PTPRG: variants seen among roughly 807,000 people sequenced by gnomAD.
PTPRG encodes the protein protein tyrosine phosphatase receptor type G, also known as receptor-type tyrosine-protein phosphatase gamma.
PTPRG carries 102 observed loss-of-function variants against 165.3 expected under a neutral mutation model. The observed-to-expected ratio is 0.62, with a 90% CI of 0.53 to 0.73. The LOEUF is 0.73. Ranked by LOEUF, PTPRG falls within the 30% of genes least tolerant of loss-of-function variation. The probability of loss-of-function intolerance (pLI) is 0.00; values close to 1 mark genes in which losing one functional copy is unlikely to be tolerated. For missense variants in PTPRG, 1,866 were observed against 1,861.4 expected (o/e 1.00, Z -0.05); for synonymous variants, 675 against 669.5 (o/e 1.01, Z -0.13).
intron 2 of PTPRG, among the ~76,000 whole-genome samples, chr3:61,868,363 A>G (rs1338209010): frequency 3.3e-5 from 5 of 152,212 alleles, no homozygotes; most frequent in Admixed American, 2.6e-4. Flanking sequence ...GAGTGCTAGA[A>G]GAAAGGCATC....
At position 61,935,689 on chromosome 3, in the gene PTPRG, A is replaced by C. The variant is rs911217919; in HGVS notation, c.191-53936A>C. ...CGTATTCTTATTCTCGGAGTCCCTT[A>C]CCTTTTTTTTTTTTTAATGTTGTAA... is the stretch of plus-strand genomic sequence containing the variant. On this transcript the variant is annotated intron_variant, in intron 2 of 29. Transcript: ENST00000474889. 8.5e-4 allele frequency among the ~76,000 whole-genome samples: 112 copies of C among 131,246 alleles called. 2 individuals are homozygous for C. Among genetic ancestry groups the C allele is most frequent in the Middle Eastern group, 4.1e-3 (1 of 244 alleles). The allele number at this position is 131,246 out of a possible 152,430, so 86.1% of individuals were successfully genotyped here.
intron 1 of PTPRG, among the ~76,000 whole-genome samples, chr3:61,583,872 T>G (rs1403395615): frequency 2.0e-5 from 3 of 152,188 alleles, no homozygotes; most frequent in Admixed American, 6.5e-5. Context: ...ATACATTCTT[T>G]TAATGCCTAC....
intron 25 of PTPRG, 72 bp downstream of exon 25, chr3:62,277,120 G>A: frequency 9.1e-7 from 1 of 1,093,938 alleles, no homozygotes; most frequent in Non-Finnish European, 1.4e-6. Context: ...TACCACCTGT[G>A]TGACTGATGT....
intron 1 of PTPRG, among the ~76,000 whole-genome samples, chr3:61,741,420 G>A (rs151136010): frequency 1.3e-3 from 192 of 152,202 alleles, no homozygotes; most frequent in African/African-American, 4.3e-3. Context: ...TTTTGGCACT[G>A]GAGAACCAGA....
At chr3:61,806,507 G>A (rs2035422038) in intron 2 of PTPRG, among the ~76,000 whole-genome samples, 1 of 152,134 alleles carries the variant, frequency 6.6e-6, no homozygotes, top group Admixed American at 6.5e-5. Context: ...TGAATTTAAT[G>A]ATTAAGTCTT....
rs138620466 is a variant in PTPRG at position 61,978,024 on chromosome 3, G to A, written c.191-11601G>A. On this transcript the variant is annotated intron_variant, in intron 2 of 29. Coordinates refer to ENST00000474889, the MANE Select transcript of PTPRG (RefSeq NM_002841.4). Reference sequence around the variant, plus strand: ...CTGCCACCACACTCAACTAATTTTTGTATTTTTAGTAGAGACGGGGTTTCG... The same window carrying A: ...CTGCCACCACACTCAACTAATTTTTATATTTTTAGTAGAGACGGGGTTTCG... Among the ~76,000 whole-genome samples, 1,281 of 152,264 alleles carry A rather than the reference G, an allele frequency of 8.4e-3. 28 individuals carry two copies. The highest frequency in any genetic ancestry group is 0.03 in the African/African-American group (1,229 of 41,560).
intron 5 of PTPRG, among the ~76,000 whole-genome samples, chr3:62,089,737 C>A (rs1424870574): frequency 1.3e-5 from 2 of 152,162 alleles, no homozygotes; most frequent in African/African-American, 2.4e-5. Context: ...TCATTGTGTT[C>A]TCTGAGTATG....
At chr3:61,836,062 C>CCCAAAAA (rs2036450402) in intron 2 of PTPRG, among the ~76,000 whole-genome samples, 5 of 103,628 alleles carry the variant, frequency 4.8e-5, no homozygotes, top group Admixed American at 1.1e-4. Flanking sequence ...CCCCCCCCAC[C>CCCAAAAA]AAAAAAAAAA....
In PTPRG at chr3:61,865,490, A is replaced by G. The variant is rs191250012; in HGVS notation, c.190+116508A>G. On this transcript the variant is annotated intron_variant, in intron 2 of 29. Transcript: ENST00000474889. ...ATTTGAACTCAGATAACCTTGACCT[A>G]GTACCCAAGTTTGTACCAACTGTGC... 2.0e-5 allele frequency among the ~76,000 whole-genome samples: 3 copies of G among 152,328 alleles called. No homozygotes were observed. The East Asian group carries it at 5.8e-4, about 29-fold the overall frequency.
intron 13 of PTPRG, among the ~76,000 whole-genome samples, chr3:62,221,589 A>C (rs571691572): frequency 3.3e-5 from 5 of 152,322 alleles, no homozygotes; most frequent in African/African-American, 9.6e-5. Flanking sequence ...TAGCTAGAAC[A>C]ACAGTGCTTT....
intron 2 of PTPRG, among the ~76,000 whole-genome samples, chr3:61,894,636 C>T (rs2038302896): frequency 6.6e-6 from 1 of 152,158 alleles, no homozygotes; most frequent in African/African-American, 2.4e-5. Context: ...AACTTAATGT[C>T]ACCCAGATAT....
chr3:61,937,016 C>T (rs779906536), intron 2 of PTPRG, among the ~76,000 whole-genome samples: 8 of 151,868 alleles, frequency 5.3e-5, no homozygotes, highest in Non-Finnish European at 1.2e-4. Flanking sequence ...GCAGAGGAGG[C>T]TTTTTTTTGA....
chr3:61,650,856 C>G (rs1702328981), intron 1 of PTPRG, among the ~76,000 whole-genome samples: 1 of 152,084 alleles, frequency 6.6e-6, no homozygotes, highest in African/African-American at 2.4e-5. Context: ...GGTTTTATAG[C>G]TTGCTTTTCT....
chr3:62,030,758 C>T (rs181326998), intron 4 of PTPRG, among the ~76,000 whole-genome samples: 194 of 152,214 alleles, frequency 1.3e-3, no homozygotes, highest in African/African-American at 4.1e-3. Context: ...ATATGTGAGT[C>T]TCTATAATGG....
chr3:61,945,501 G>T (rs2039735075), intron 2 of PTPRG, among the ~76,000 whole-genome samples: 1 of 137,234 alleles, frequency 7.3e-6, no homozygotes, highest in Admixed American at 8.0e-5. Flanking sequence ...GGCGGTTGCA[G>T]TGAGCCAAGA....
At chr3:61,633,698 C>T (rs1191741315) in intron 1 of PTPRG, among the ~76,000 whole-genome samples, 1 of 152,076 alleles carries the variant, frequency 6.6e-6, no homozygotes. Context: ...TGCCTAATTG[C>T]TCTGGCTAGA....
chr3:62,110,089 C>CTTTTTTTTTTTTTTT (rs371457716), intron 5 of PTPRG, among the ~76,000 whole-genome samples: 4 of 79,986 alleles, frequency 5.0e-5, no homozygotes, highest in African/African-American at 4.9e-5. Context: ...GAAATAATGG[C>CTTTTTTTTTTTTTTT]TTTTTTTTTT....
rs2041217062 is a variant in PTPRG at position 62,003,241 on chromosome 3, A to G, written c.371-108A>G. On this transcript the variant is annotated intron_variant, in intron 3 of 29. Transcript: ENST00000474889. ...CATATTTTTTCATAGGTACATGAGG[A>G]CATAATTCATATCATGGTAATGGTG... 5 of 1,275,598 alleles carry G rather than the reference A, an allele frequency of 3.9e-6. No homozygotes were observed. In the East Asian group the frequency reaches 9.4e-5, roughly 24 times the overall value. 79.0% of individuals were successfully genotyped at this position (1,275,598 alleles called of 1,614,324 possible). A position where few individuals can be genotyped will look rare whatever the true frequency, so the allele number is the denominator to read the frequency against.
At chr3:61,619,586 C>T (rs1183629952) in intron 1 of PTPRG, among the ~76,000 whole-genome samples, 3 of 152,220 alleles carry the variant, frequency 2.0e-5, no homozygotes, top group African/African-American at 7.2e-5. Flanking sequence ...CAATGAGCCT[C>T]TAGTGCCTCT....
Sources: allele counts gnomAD v4.1 joint callset (sites outside exome capture counted in the v4.1 genomes callset), GRCh38; gene constraint gnomAD v4.1.1; transcripts MANE v1.5; gene names NCBI Gene and HGNC (gene_info 2026-07-23, HGNC 2026-07-21).